The following CKAP2 variants were observed in gnomAD, a reference collection of about 807,000 sequenced individuals.
CKAP2 encodes cytoskeleton-associated protein 2.
In CKAP2, 46 loss-of-function variants were observed where a neutral mutation model predicts 58.4. The observed-to-expected ratio is 0.79, with a 90% CI of 0.62 to 1.01. The LOEUF is 1.01. Among genes scored for constraint, CKAP2 ranks in the 50% least tolerant of loss-of-function variants. CKAP2 has a pLI of 0.00. For missense variants in CKAP2, 809 were observed against 796.4 expected, an observed-to-expected ratio of 1.02 and a Z score of -0.19; for synonymous variants, 293 against 280.9, an observed-to-expected ratio of 1.04 and a Z score of -0.43.
Position 52,462,463 on chromosome 13 carries a change from C to T in CKAP2, c.1201C>T (p.Pro401Ser), listed in dbSNP as rs764298933. The T allele has an allele frequency of 1.9e-6, 3 of 1,614,052 alleles. No individual in the cohort carries two copies. The highest frequency in any genetic ancestry group is 1.1e-5 in the South Asian group (1 of 91,074). The change falls in exon 5 of 9, where the codon CCA (proline) becomes TCA (serine). Residue 401 changes from proline to serine, a missense_variant. Pro to Ser is a moderately conservative substitution (Grantham distance 74). Transcript: ENST00000258607. ...TGAGCCTGCAGGACAAAATGAAAAA[C>T]CAGTTGGGTCTTTTTGGACTACCAT... The part of the protein sequence containing the change: ...QHEPAGQNEK[P>S]VGSFWTTMAE...
In CKAP2 at chr13:52,456,551, T is replaced by C; in HGVS notation, c.99T>C (p.His33=). The C allele has an allele frequency of 6.2e-7, 1 of 1,613,802 alleles. No individual in the cohort carries two copies. The highest frequency in any genetic ancestry group is 8.5e-7 in the Non-Finnish European group (1 of 1,179,860). ...KEQRRQKLKE[H]LLRRKTLFAY... is the part of the protein sequence containing the mutation. ...AAAGAAGACAAAAACTCAAGGAACA[T>C]CTGTTGAGAAGAAAAACGCTTTTTG... The change falls in exon 2 of 9, where the codon CAT becomes CAC. Residue 33 remains histidine (H), a synonymous_variant. Coordinates refer to ENST00000258607, the MANE Select transcript of CKAP2 (RefSeq NM_018204.5).
chr13:52,474,039 G>A lies in CKAP2; in HGVS notation c.1757G>A (p.Ser586Asn). Reference protein sequence around the residue: ...VKTPNTETRTSCLIKYNVSTT... With the variant: ...VKTPNTETRTNCLIKYNVSTT... Reference sequence around the variant, plus strand: ...ACCCCCAATACAGAAACGAGGACAAGTTGCTTAATTAAATATAATGTGTCT... The same window carrying A: ...ACCCCCAATACAGAAACGAGGACAAATTGCTTAATTAAATATAATGTGTCT... Residue 586 changes from serine (S) to asparagine (N), a missense_variant, in exon 8 of 9, where the codon AGT becomes AAT. By Grantham distance (46) the Ser-to-Asn change is conservative. Coordinates refer to ENST00000258607, the MANE Select transcript of CKAP2 (RefSeq NM_018204.5). The A allele has an allele frequency of 1.2e-6, 2 of 1,613,894 alleles. No homozygotes were observed. The highest frequency in any genetic ancestry group is 1.7e-6 in the Non-Finnish European group (2 of 1,179,870).
At chr13:52,474,662 G>T (rs1555260659) in intron 8 of CKAP2, among the ~76,000 whole-genome samples, 1 of 152,078 alleles carries the variant, frequency 6.6e-6, no homozygotes, top group Non-Finnish European at 1.5e-5. Context: ...TGGCTTTCAG[G>T]AATTAGCCAG....
intron 5 of CKAP2, among the ~76,000 whole-genome samples, chr13:52,463,810 G>A (rs1228581779): frequency 1.3e-5 from 2 of 152,160 alleles, no homozygotes; most frequent in African/African-American, 4.8e-5. Context: ...GTTTCTCTTT[G>A]ATTTTATAAA....
Position 52,473,947 on chromosome 13 carries a change from T to C in CKAP2, c.1665T>C (p.Asn555=). 1.2e-6 allele frequency: 2 copies of C among 1,614,030 alleles called. No homozygotes were observed. The highest frequency in any genetic ancestry group is 1.7e-6 in the Non-Finnish European group (2 of 1,179,996). The part of the protein sequence containing the change: ...KLEMESKLHR[N]LLFQDCEKEQ... ...AAATGGAGAGTAAACTTCATAGAAATTTGCTATTTCAAGATTGTGAAAAAG... is the reference window on the plus strand; with the variant it reads ...AAATGGAGAGTAAACTTCATAGAAACTTGCTATTTCAAGATTGTGAAAAAG... Residue 555 remains asparagine, a synonymous_variant, in exon 8 of 9, where the codon AAT becomes AAC. Transcript: ENST00000258607.
At chr13:52,467,595 G>C (rs900025287) in intron 6 of CKAP2, among the ~76,000 whole-genome samples, 61 of 152,026 alleles carry the variant, frequency 4.0e-4, no homozygotes, top group African/African-American at 1.4e-3. Context: ...CGTAATCCCA[G>C]CTACTCGAGA....
intron 2 of CKAP2, among the ~76,000 whole-genome samples, chr13:52,457,524 G>T (rs893203613): frequency 2.0e-5 from 3 of 152,060 alleles, no homozygotes; most frequent in African/African-American, 4.8e-5. Context: ...AAGGCAAAAG[G>T]TCCCCTCACT....
chr13:52,472,231 C>T (rs1223467149), intron 7 of CKAP2, among the ~76,000 whole-genome samples: 2 of 152,112 alleles, frequency 1.3e-5, no homozygotes, highest in Non-Finnish European at 2.9e-5. Context: ...ATATTTGATG[C>T]ATTTGATTGT....
chr13:52,473,978 G>C lies in CKAP2; in HGVS notation c.1696G>C (p.Asp566His). The C allele has an allele frequency of 6.2e-7, 1 of 1,614,076 alleles. No homozygotes were observed. Among genetic ancestry groups the C allele is most frequent in the Non-Finnish European group, 8.5e-7 (1 of 1,180,002 alleles). The change falls in exon 8 of 9, where the codon GAC (aspartate) becomes CAC (histidine). Residue 566 changes from aspartate to histidine, a missense_variant. Asp to His is a moderately conservative substitution (Grantham distance 81). Around this residue, in one of 3 missense-constraint regions of CKAP2, gnomAD observed 283 missense variants for 287.6 expected, o/e 0.98. Transcript: ENST00000258607. ...LLFQDCEKEQ[D>H]NKTKDPTHDV... ...ATTTCAAGATTGTGAAAAAGAGCAA[G>C]ACAACAAAACAAAAGATCCAACCCA... is the stretch of plus-strand genomic sequence containing the variant.
At position 52,476,119 on chromosome 13, in the gene CKAP2, A is replaced by G. The variant is rs1006330980; in HGVS notation, c.*978A>G. Reference sequence around the variant, plus strand: ...AATAACACCACTAAAGTTGTTTTGTAAGGTTCCAAACTAATATGGCATATA... The same window carrying G: ...AATAACACCACTAAAGTTGTTTTGTGAGGTTCCAAACTAATATGGCATATA... On this transcript the variant is annotated 3_prime_UTR_variant, in exon 9 of 9. Coordinates refer to ENST00000258607, the MANE Select transcript of CKAP2 (RefSeq NM_018204.5). 6.6e-6 allele frequency: 1 copy of G among 152,218 alleles called. No homozygotes were observed. The highest frequency in any genetic ancestry group is 2.4e-5 in the African/African-American group (1 of 41,462). The allele number at this position is 152,218 out of a possible 1,614,324, so 9.4% of individuals were successfully genotyped here. A position where few individuals can be genotyped will look rare whatever the true frequency, so the allele number is the denominator to read the frequency against.
In CKAP2 at chr13:52,475,290, A is replaced by G. The variant is rs141447887; in HGVS notation, c.*149A>G. ...GCAGTGAGCTCCTTTACTAACATTC[A>G]TGTTATGGCAAGAGTTGTCCTCTAC... On this transcript the variant is annotated 3_prime_UTR_variant, in exon 9 of 9. Coordinates refer to ENST00000258607, the MANE Select transcript of CKAP2 (RefSeq NM_018204.5). The G allele has an allele frequency of 7.7e-3, 7,273 of 945,846 alleles. 46 individuals are homozygous for G. Among genetic ancestry groups the G allele is most frequent in the South Asian group, 0.021 (1,131 of 52,660 alleles). 58.6% of individuals were successfully genotyped at this position (945,846 alleles called of 1,614,324 possible).
chr13:52,474,840 C>A, intron 8 of CKAP2, 55 bp from the exon 9 acceptor site: 1 of 1,534,210 alleles, frequency 6.5e-7, no homozygotes, highest in Non-Finnish European at 8.9e-7. Flanking sequence ...CATGAAAGTA[C>A]AGAGTAAAAA....
intron 1 of CKAP2, chr13:52,456,304 T>G (rs764077199): frequency 5.5e-5 from 40 of 721,422 alleles, no homozygotes; most frequent in Non-Finnish European, 7.7e-5. Flanking sequence ...GAGAATGTGA[T>G]TCTTATGCAG....
chr13:52,456,214 C>A, intron 1 of CKAP2: 1 of 1,062,348 alleles, frequency 9.4e-7, no homozygotes, highest in Non-Finnish European at 1.2e-6. Flanking sequence ...TGCCTCACTT[C>A]TACCATTTAG....
chr13:52,474,402 T>C lies in CKAP2; in HGVS notation c.1802+318T>C, dbSNP rs141071240. ...TACCTGGGAGGCTGAGGTGAGAGGA[T>C]CACTTGAGCCCAGGAGGCAGAGGTT... is the stretch of plus-strand genomic sequence containing the variant. On this transcript the variant is annotated intron_variant, in intron 8 of 8. Coordinates refer to ENST00000258607, the MANE Select transcript of CKAP2 (RefSeq NM_018204.5). Among the ~76,000 whole-genome samples the C allele has an allele frequency of 7.4e-3, 1,127 of 152,196 alleles. 6 individuals are homozygous for C. Among genetic ancestry groups the C allele is most frequent in the African/African-American group, 0.017 (704 of 41,536 alleles).
intron 2 of CKAP2, among the ~76,000 whole-genome samples, chr13:52,457,036 A>G (rs1297481009): frequency 1.3e-5 from 2 of 151,972 alleles, no homozygotes; most frequent in African/African-American, 2.4e-5. Flanking sequence ...GGGACTGACT[A>G]CAGGCAAGTG....
At chr13:52,464,548 C>G (rs1213033257) in intron 5 of CKAP2, among the ~76,000 whole-genome samples, 1 of 129,170 alleles carries the variant, frequency 7.7e-6, no homozygotes, top group Admixed American at 8.1e-5. Flanking sequence ...AGCAAAACTC[C>G]GTCTCAAAAA....
In CKAP2 at chr13:52,456,385, A is replaced by G. The variant is rs79393595; in HGVS notation, c.71-138A>G. On this transcript the variant is annotated intron_variant, in intron 1 of 8. Transcript: ENST00000258607. Reference sequence around the variant, plus strand: ...TTTCTCAAAGGCAATATTGAATTGGAGAATTTTCTGTTATATAGATGTGAC... The same window carrying G: ...TTTCTCAAAGGCAATATTGAATTGGGGAATTTTCTGTTATATAGATGTGAC... 3,732 of 759,148 alleles carry G rather than the reference A, an allele frequency of 4.9e-3. 29 individuals carry two copies. The highest frequency in any genetic ancestry group is 0.019 in the Middle Eastern group (49 of 2,542). 47.0% of individuals were successfully genotyped at this position (759,148 alleles called of 1,614,324 possible). A position where few individuals can be genotyped will look rare whatever the true frequency, so the allele number is the denominator to read the frequency against.
At chr13:52,472,350 A>G (rs544959812) in intron 7 of CKAP2, among the ~76,000 whole-genome samples, 3 of 152,388 alleles carry the variant, frequency 2.0e-5, no homozygotes, top group South Asian at 2.1e-4. Flanking sequence ...TGCCTGACAC[A>G]TATTTGGCAC....
Sources: gnomAD v4.1 joint callset for allele counts (sites outside exome capture counted in the v4.1 genomes callset) on GRCh38, gnomAD v4.1.1 for gene constraint, gnomAD v4.1.1 regional missense constraint, MANE v1.5 for transcripts, NCBI Gene and HGNC (gene_info 2026-07-23, HGNC 2026-07-21) for gene names.